The following CCBE1 variants were observed in gnomAD, a reference collection of about 807,000 sequenced individuals.
The protein encoded by CCBE1 is collagen and calcium binding EGF domains 1.
A neutral mutation model predicts 50.0 loss-of-function variants in CCBE1; 37 were observed. That is an observed-to-expected ratio of 0.74 (90% CI 0.57 to 0.97). CCBE1 has a LOEUF of 0.97. CCBE1 is among the 50% of genes least tolerant of loss of function. The pLI is 0.00. For missense variants in CCBE1, 538 were observed against 523.8 expected (o/e 1.03, Z -0.26); for synonymous variants, 234 against 203.7 (o/e 1.15, Z -1.27).
intron 2 of CCBE1, among the ~76,000 whole-genome samples, chr18:59,617,202 G>A (rs1460959643): frequency 6.6e-6 from 1 of 152,178 alleles, no homozygotes; most frequent in Non-Finnish European, 1.5e-5. Context: ...ATGATTTGGG[G>A]TTGAAAAAGT....
At chr18:59,512,276 T>C (rs1042181327) in intron 2 of CCBE1, among the ~76,000 whole-genome samples, 1 of 152,170 alleles carries the variant, frequency 6.6e-6, no homozygotes, top group African/African-American at 2.4e-5. Context: ...CACCTATAGA[T>C]GGCAAAACTG....
chr18:59,519,153 C>T (rs1421748557), intron 2 of CCBE1, among the ~76,000 whole-genome samples: 1 of 152,150 alleles, frequency 6.6e-6, no homozygotes, highest in African/African-American at 2.4e-5. Context: ...TATAAGCCAG[C>T]TCTGAGAGCA....
At chr18:59,677,491 A>G (rs2054521732) in intron 2 of CCBE1, among the ~76,000 whole-genome samples, 1 of 152,192 alleles carries the variant, frequency 6.6e-6, no homozygotes, top group Non-Finnish European at 1.5e-5. Context: ...GCTGAGGCTC[A>G]AAAGATACAT....
chr18:59,439,658 T>C lies in CCBE1; in HGVS notation c.915+19A>G. On this transcript the variant is annotated intron_variant, in intron 8 of 10. Coordinates refer to ENST00000439986, the MANE Select transcript of CCBE1 (RefSeq NM_133459.4). ...CATTTTCCCCCAAAAAGGAAGTGGATCTCTGATAAGATACTGACCACAGGG... is the reference window on the plus strand; with the variant it reads ...CATTTTCCCCCAAAAAGGAAGTGGACCTCTGATAAGATACTGACCACAGGG... The C allele has an allele frequency of 6.2e-7, 1 of 1,614,112 alleles. No homozygotes were observed. Among genetic ancestry groups the C allele is most frequent in the African/African-American group, 1.3e-5 (1 of 75,026 alleles).
chr18:59,667,930 T>C (rs2054377731), intron 2 of CCBE1, among the ~76,000 whole-genome samples: 2 of 152,142 alleles, frequency 1.3e-5, no homozygotes, highest in East Asian at 3.9e-4. Context: ...AATTTAGGTG[T>C]TACGATGGAC....
chr18:59,546,917 G>C (rs1490169863), intron 2 of CCBE1, among the ~76,000 whole-genome samples: 1 of 151,936 alleles, frequency 6.6e-6, no homozygotes, highest in East Asian at 1.9e-4. Context: ...CAGTAAAACA[G>C]ATTAAAAGAA....
intron 2 of CCBE1, among the ~76,000 whole-genome samples, chr18:59,549,103 A>AAAG (rs1491219070): frequency 1.3e-4 from 2 of 15,694 alleles, no homozygotes; most frequent in Non-Finnish European, 2.6e-4. Flanking sequence ...ACTCCGTCTC[A>AAAG]AAAAAAAAAA....
intron 2 of CCBE1, among the ~76,000 whole-genome samples, chr18:59,584,893 T>C (rs1023010031): frequency 1.3e-5 from 2 of 152,200 alleles, no homozygotes; most frequent in East Asian, 1.9e-4. Context: ...TCAAAGCCTT[T>C]GTATGTGCCC....
intron 2 of CCBE1, among the ~76,000 whole-genome samples, chr18:59,540,621 C>A (rs1598993142): frequency 6.6e-6 from 1 of 152,194 alleles, no homozygotes; most frequent in African/African-American, 2.4e-5. Flanking sequence ...GCTGCTTCCA[C>A]AAATGAACCC....
At chr18:59,474,008 G>A (rs1285078445) in intron 3 of CCBE1, among the ~76,000 whole-genome samples, 1 of 152,178 alleles carries the variant, frequency 6.6e-6, no homozygotes, top group African/African-American at 2.4e-5. Context: ...CTCTTCCTAT[G>A]TTAGTTTGCT....
rs1162904331 is a variant in CCBE1, at chr18:59,591,613, AC to A, written c.212+105015del. 3.3e-5 allele frequency among the ~76,000 whole-genome samples: 5 copies of A among 152,314 alleles called. No homozygotes were observed. The South Asian group carries it at 8.3e-4, about 25-fold the overall frequency. Reference sequence around the variant, plus strand: ...AGTGTGTTAAGAGATTTCCAAGTCTACCCATAAGAAGACTGGCAAAAATGAA... The same window carrying A: ...AGTGTGTTAAGAGATTTCCAAGTCTACCATAAGAAGACTGGCAAAAATGAA... On this transcript the variant is annotated intron_variant, in intron 2 of 10. Coordinates refer to ENST00000439986, the MANE Select transcript of CCBE1 (RefSeq NM_133459.4).
At chr18:59,650,844 T>G (rs2054117843) in intron 2 of CCBE1, among the ~76,000 whole-genome samples, 1 of 151,216 alleles carries the variant, frequency 6.6e-6, no homozygotes, top group South Asian at 2.1e-4. Flanking sequence ...TAGTCCTCGG[T>G]GGCCAAGCAG....
intron 2 of CCBE1, among the ~76,000 whole-genome samples, chr18:59,497,376 GAGCAAAGAACATA>G (rs1913404086): frequency 6.6e-6 from 1 of 152,130 alleles, no homozygotes; most frequent in African/African-American, 2.4e-5. Context: ...GTAATATACT[GAGCAAAGAACATA>G]AGTGTCTAAC....
intron 2 of CCBE1, among the ~76,000 whole-genome samples, chr18:59,540,168 CTTA>C (rs377479814): frequency 4.6e-5 from 7 of 152,164 alleles, no homozygotes; most frequent in South Asian, 2.1e-4. Context: ...AATTGATAAA[CTTA>C]TTATAAGTAC....
At chr18:59,615,054 C>T (rs2053619370) in intron 2 of CCBE1, among the ~76,000 whole-genome samples, 1 of 152,228 alleles carries the variant, frequency 6.6e-6, no homozygotes. Context: ...TATGTGTCCA[C>T]TTTTCTCTCT....
intron 2 of CCBE1, among the ~76,000 whole-genome samples, chr18:59,689,179 CT>C (rs1207430188): frequency 6.6e-6 from 1 of 152,220 alleles, no homozygotes; most frequent in African/African-American, 2.4e-5. Context: ...GAGAGCCCCC[CT>C]GTATCTCCCA....
At chr18:59,641,033 G>T (rs1163299354) in intron 2 of CCBE1, among the ~76,000 whole-genome samples, 6 of 152,210 alleles carry the variant, frequency 3.9e-5, no homozygotes, top group Admixed American at 1.3e-4. Context: ...CTAGTGGAAT[G>T]TAAATTAGTT....
chr18:59,499,392 G>A (rs79499623), intron 2 of CCBE1, among the ~76,000 whole-genome samples: 10,715 of 152,102 alleles, frequency 0.07, 852 homozygotes, highest in East Asian at 0.33. Context: ...GTATTAGTCC[G>A]TTTTCACACT....
intron 2 of CCBE1, among the ~76,000 whole-genome samples, chr18:59,511,631 T>C (rs1369203641): frequency 2.0e-5 from 3 of 152,272 alleles, no homozygotes; most frequent in Non-Finnish European, 4.4e-5. Flanking sequence ...TATTCTGTTC[T>C]AGCTTCTTTG....
Sources: gnomAD v4.1 joint callset for allele counts (sites outside exome capture counted in the v4.1 genomes callset) on GRCh38, gnomAD v4.1.1 for gene constraint, MANE v1.5 for transcripts, NCBI Gene and HGNC (gene_info 2026-07-23, HGNC 2026-07-21) for gene names.